Variants in FER1L6 observed in about 807,000 individuals in gnomAD.
The protein encoded by FER1L6 is fer-1-like protein 6.
A neutral mutation model predicts 219.2 loss-of-function variants in FER1L6; 177 were observed. The ratio of observed to expected loss-of-function variants is 0.81; its 90% CI spans 0.71 to 0.91. FER1L6 has a LOEUF of 0.91. FER1L6 is among the 40% of genes least tolerant of loss of function. The pLI is 0.00. For synonymous variants in FER1L6, 768 were observed against 824.3 expected (o/e 0.93, Z 1.17); for missense variants, 2,153 against 2,259.9 (o/e 0.95, Z 0.96).
chr8:123,990,481 G>A (rs1816804520), intron 12 of FER1L6, among the ~76,000 whole-genome samples: 1 of 152,086 alleles, frequency 6.6e-6, no homozygotes. Context: ...CATTAGTGAT[G>A]TTGAGCATTT....
chr8:123,872,387 G>A (rs1328458849), intron 1 of FER1L6, among the ~76,000 whole-genome samples: 1 of 152,160 alleles, frequency 6.6e-6, no homozygotes, highest in Non-Finnish European at 1.5e-5. Flanking sequence ...CACCTGATCA[G>A]TACTTCTTAA....
At chr8:124,036,637 C>A (rs960714361) in intron 19 of FER1L6, among the ~76,000 whole-genome samples, 2 of 152,160 alleles carry the variant, frequency 1.3e-5, no homozygotes, top group Non-Finnish European at 2.9e-5. Context: ...AAAACATCCA[C>A]ATTAACTTGA....
intron 10 of FER1L6, among the ~76,000 whole-genome samples, chr8:123,979,501 C>G (rs1563722083): frequency 1.3e-5 from 2 of 152,118 alleles, no homozygotes; most frequent in Non-Finnish European, 1.5e-5. Context: ...GAACTCAGGC[C>G]TCAGAGCCAC....
intron 1 of FER1L6, among the ~76,000 whole-genome samples, chr8:123,917,561 C>T (rs1014763167): frequency 9.2e-5 from 14 of 152,114 alleles, no homozygotes; most frequent in African/African-American, 3.1e-4. Flanking sequence ...ATCTCCTTCC[C>T]GCCAAAGAAA....
At chr8:123,956,116 T>C in intron 2 of FER1L6, 42 bp downstream of exon 2, 7 of 1,520,376 alleles carry the variant, frequency 4.6e-6, no homozygotes, top group Non-Finnish European at 6.3e-6. Context: ...GGCCTGAGAG[T>C]CTCGCAGAGT....
chr8:123,890,036 A>G (rs1040463102), intron 1 of FER1L6, among the ~76,000 whole-genome samples: 11 of 152,160 alleles, frequency 7.2e-5, no homozygotes, highest in African/African-American at 4.8e-5. Flanking sequence ...GCTCATAGTT[A>G]AAGCTCTTAG....
At chr8:124,099,859 G>A (rs1475631624) in intron 37 of FER1L6, among the ~76,000 whole-genome samples, 3 of 152,056 alleles carry the variant, frequency 2.0e-5, no homozygotes, top group African/African-American at 7.3e-5. Flanking sequence ...ACCTTCTAAG[G>A]CTGCATCCTT....
chr8:123,938,480 T>C (rs908037219), intron 1 of FER1L6, among the ~76,000 whole-genome samples: 1 of 152,038 alleles, frequency 6.6e-6, no homozygotes, highest in Non-Finnish European at 1.5e-5. Flanking sequence ...AGTCCAGTGC[T>C]AAAACTTGTA....
chr8:123,970,199 C>T lies in FER1L6; in HGVS notation c.447+102C>T, dbSNP rs73326383. On this transcript the variant is annotated intron_variant, in intron 6 of 40. Coordinates refer to ENST00000522917, the MANE Select transcript of FER1L6 (RefSeq NM_001039112.2). ...CAGCATACTTAGCGGGGAATAGATT[C>T]AGGAGGGCAAGTGTCAGTTGGTGAG... 94 of 1,049,824 alleles carry T rather than the reference C, an allele frequency of 9.0e-5. No homozygotes were observed. In the African/African-American group the frequency reaches 1.4e-3, roughly 15 times the overall value. 65.0% of individuals were successfully genotyped at this position (1,049,824 alleles called of 1,614,324 possible).
intron 12 of FER1L6, among the ~76,000 whole-genome samples, chr8:123,994,691 G>A (rs1034279059): frequency 6.6e-6 from 1 of 152,140 alleles, no homozygotes; most frequent in African/African-American, 2.4e-5. Flanking sequence ...GCTGCAACAC[G>A]TTTCCCACTT....
At chr8:124,064,020 C>G (rs549035442) in intron 25 of FER1L6, among the ~76,000 whole-genome samples, 81 of 152,252 alleles carry the variant, frequency 5.3e-4, no homozygotes, top group African/African-American at 1.9e-3. Context: ...GGACAATCCC[C>G]CTAGACACAG....
At chr8:123,900,092 G>A (rs1319067585) in intron 1 of FER1L6, among the ~76,000 whole-genome samples, 1 of 152,120 alleles carries the variant, frequency 6.6e-6, no homozygotes, top group Non-Finnish European at 1.5e-5. Context: ...TGGTAGTATG[G>A]TCATTTTCAC....
At chr8:123,865,105 TG>T (rs1384818203) in intron 1 of FER1L6, among the ~76,000 whole-genome samples, 1 of 150,048 alleles carries the variant, frequency 6.7e-6, no homozygotes, top group African/African-American at 2.5e-5. Flanking sequence ...TCCCCATCTT[TG>T]TGGTTTTATC....
intron 3 of FER1L6, among the ~76,000 whole-genome samples, chr8:123,964,240 A>G (rs1215971772): frequency 1.3e-5 from 2 of 152,232 alleles, no homozygotes; most frequent in Non-Finnish European, 2.9e-5. Flanking sequence ...GAGTAAGCCA[A>G]TGACTGGGGC....
intron 29 of FER1L6, among the ~76,000 whole-genome samples, chr8:124,070,182 A>G (rs1399094282): frequency 2.0e-5 from 3 of 152,210 alleles, no homozygotes; most frequent in Non-Finnish European, 2.9e-5. Context: ...AATGGCATCA[A>G]CTAGCTCTAA....
rs13252688 is a variant in FER1L6 at position 124,073,175 on chromosome 8, T to C, written c.4092+1544T>C. On this transcript the variant is annotated intron_variant, in intron 31 of 40. Transcript: ENST00000522917. ...GAAGAATTTCTGTGAACTACAGAGA[T>C]TGGAGAAAGATCTGTCTCCTTATTC... 3.5e-3 allele frequency among the ~76,000 whole-genome samples: 530 copies of C among 152,362 alleles called. 1 individual carries two copies. Among genetic ancestry groups the C allele is most frequent in the Non-Finnish European group, 5.9e-3 (403 of 68,034 alleles).
chr8:124,072,596 T>C (rs929057058), intron 31 of FER1L6, among the ~76,000 whole-genome samples: 2 of 152,232 alleles, frequency 1.3e-5, no homozygotes, highest in African/African-American at 4.8e-5. Flanking sequence ...CCTTTAATGC[T>C]AAGGGAGAAA....
chr8:124,064,715 A>G, intron 26 of FER1L6, 142 bp downstream of exon 26: 1 of 747,302 alleles, frequency 1.3e-6, no homozygotes, highest in Non-Finnish European at 2.2e-6. Context: ...TTGTAAAATG[A>G]GGATACTGTT....
At chr8:124,047,765 T>C (rs749997541) in intron 21 of FER1L6, 1 of 152,218 alleles carries the variant, frequency 6.6e-6, no homozygotes, top group Non-Finnish European at 1.5e-5. Context: ...GAAATACATG[T>C]AGACATGCAA....
Sources: gnomAD v4.1 joint callset for allele counts (sites outside exome capture counted in the v4.1 genomes callset) on GRCh38, gnomAD v4.1.1 for gene constraint, MANE v1.5 for transcripts, NCBI Gene and HGNC (gene_info 2026-07-23, HGNC 2026-07-21) for gene names.